Variants in ADGRL3 observed in about 807,000 individuals in gnomAD.
ADGRL3 encodes adhesion G protein-coupled receptor L3, also known as calcium-independent alpha-latrotoxin receptor 3.
ADGRL3 carries 62 observed loss-of-function variants against 153.5 expected under a neutral mutation model. The observed-to-expected ratio is 0.40, with a 90% CI of 0.33 to 0.50. The LOEUF (loss-of-function observed/expected upper bound fraction) is 0.50. Among genes scored for constraint, ADGRL3 ranks in the 20% least tolerant of loss-of-function variants. The pLI is 0.47. For synonymous variants in ADGRL3, 710 were observed against 672.5 expected (o/e 1.06, Z -0.86); for missense variants, 1,641 against 1,859.4 (o/e 0.88, Z 2.16).
chr4:61,726,705 A>C lies in ADGRL3; in HGVS notation c.584-3917A>C, dbSNP rs925935567. On this transcript the variant is annotated intron_variant, in intron 6 of 26. Coordinates refer to ENST00000683033, the MANE Select transcript of ADGRL3 (RefSeq NM_001387552.1). ...ATTTTAATAGTCTAAACCAAATGTT[A>C]CAAGGAAAATCATTCTTTTAACAAT... Among the ~76,000 whole-genome samples, 4 of 152,188 alleles carry C rather than the reference A, an allele frequency of 2.6e-5. No homozygotes were observed. The East Asian group carries it at 7.7e-4, about 29-fold the overall frequency.
In ADGRL3 at chr4:61,200,360, C is replaced by T. The variant is rs955026173; in HGVS notation, c.-1645C>T. 6.6e-6 allele frequency among the ~76,000 whole-genome samples: 1 copy of T among 152,068 alleles called. No individual in the cohort carries two copies. The highest frequency in any genetic ancestry group is 3.4e-3 in the Middle Eastern group (1 of 292). Reference sequence around the variant, plus strand: ...TCCGCTCCGGCCCCGGCTGCGCCTACCCCGCGCGCAGGCTGCACGGTCCCC... The same window carrying T: ...TCCGCTCCGGCCCCGGCTGCGCCTATCCCGCGCGCAGGCTGCACGGTCCCC... On this transcript the variant is annotated 5_prime_UTR_variant, in exon 1 of 27. Transcript: ENST00000683033.
At chr4:61,789,720 C>T (rs2097319467) in intron 8 of ADGRL3, among the ~76,000 whole-genome samples, 1 of 152,014 alleles carries the variant, frequency 6.6e-6, no homozygotes, top group Non-Finnish European at 1.5e-5. Context: ...CCATTACTAG[C>T]GAAGTGTAAT....
intron 1 of ADGRL3, among the ~76,000 whole-genome samples, chr4:61,232,882 A>G (rs1229498028): frequency 1.3e-5 from 2 of 152,116 alleles, no homozygotes; most frequent in Admixed American, 6.5e-5. Context: ...AGGCAATGCT[A>G]TACTGTGAAA....
intron 6 of ADGRL3, among the ~76,000 whole-genome samples, chr4:61,715,311 TA>T: frequency 6.6e-6 from 1 of 152,270 alleles, no homozygotes. Context: ...ATTTATCTTT[TA>T]AAAGCAGGCT....
intron 8 of ADGRL3, among the ~76,000 whole-genome samples, chr4:61,811,279 A>G (rs901763268): frequency 2.2e-4 from 34 of 152,172 alleles, no homozygotes; most frequent in African/African-American, 8.0e-4. Context: ...TGTCTATGCA[A>G]TAGACTATTA....
At chr4:61,803,110 G>T in intron 8 of ADGRL3, among the ~76,000 whole-genome samples, 1 of 151,940 alleles carries the variant, frequency 6.6e-6, no homozygotes, top group Middle Eastern at 3.2e-3. Flanking sequence ...CCCAGTGATA[G>T]TACATAGCCC....
chr4:61,656,200 C>T (rs568638807), intron 5 of ADGRL3, among the ~76,000 whole-genome samples: 1 of 152,232 alleles, frequency 6.6e-6, no homozygotes, highest in Non-Finnish European at 1.5e-5. Flanking sequence ...CTTCTTAATG[C>T]TATCTTTTGG....
At chr4:61,690,703 T>A (rs1464086604) in intron 6 of ADGRL3, among the ~76,000 whole-genome samples, 1 of 152,106 alleles carries the variant, frequency 6.6e-6, no homozygotes, top group Non-Finnish European at 1.5e-5. Flanking sequence ...GGCTTCCTTT[T>A]TTTTTTCCTC....
chr4:61,339,647 C>T (rs2095761970), intron 1 of ADGRL3, among the ~76,000 whole-genome samples: 1 of 152,156 alleles, frequency 6.6e-6, no homozygotes, highest in Non-Finnish European at 1.5e-5. Context: ...AGAATGTGAA[C>T]TATTTTTCAT....
intron 5 of ADGRL3, among the ~76,000 whole-genome samples, chr4:61,623,316 C>T (rs568235683): frequency 1.4e-4 from 21 of 151,986 alleles, no homozygotes; most frequent in Non-Finnish European, 2.8e-4. Flanking sequence ...CTTGACTTTC[C>T]AAGAGACCAT....
intron 8 of ADGRL3, among the ~76,000 whole-genome samples, chr4:61,807,180 A>G (rs928774924): frequency 1.3e-5 from 2 of 152,104 alleles, no homozygotes; most frequent in Admixed American, 6.5e-5. Context: ...TATCAATCAC[A>G]TAGTAGACCC....
intron 21 of ADGRL3, 58 bp from the exon 22 acceptor site, chr4:62,028,797 T>G: frequency 7.0e-7 from 1 of 1,437,446 alleles, no homozygotes; most frequent in African/African-American, 1.4e-5. Flanking sequence ...CATATGAAAT[T>G]CTTTGTCATA....
At chr4:61,773,213 A>G (rs1019454445) in intron 8 of ADGRL3, among the ~76,000 whole-genome samples, 1 of 152,206 alleles carries the variant, frequency 6.6e-6, no homozygotes, top group Admixed American at 6.5e-5. Flanking sequence ...AATCATCTGC[A>G]CTAGCACCAG....
intron 5 of ADGRL3, among the ~76,000 whole-genome samples, chr4:61,629,146 C>A (rs142121978): frequency 6.6e-6 from 1 of 152,086 alleles, no homozygotes; most frequent in Non-Finnish European, 1.5e-5. Flanking sequence ...GAACCTCTTT[C>A]GCTTAAAAGT....
intron 8 of ADGRL3, among the ~76,000 whole-genome samples, chr4:61,755,594 A>C (rs7682209): frequency 0.088 from 13,307 of 151,694 alleles, 1,247 homozygotes; most frequent in African/African-American, 0.24. Flanking sequence ...ATGGTAGTTT[A>C]TTTTGCTGTG....
At chr4:61,594,441 C>T (rs1560902661) in intron 5 of ADGRL3, among the ~76,000 whole-genome samples, 1 of 152,108 alleles carries the variant, frequency 6.6e-6, no homozygotes, top group Non-Finnish European at 1.5e-5. Flanking sequence ...TTGTGCCTGT[C>T]CTTCTTGGGA....
At chr4:61,863,888 T>C (rs1378348868) in intron 9 of ADGRL3, among the ~76,000 whole-genome samples, 2 of 152,244 alleles carry the variant, frequency 1.3e-5, no homozygotes, top group Admixed American at 1.3e-4. Context: ...ATTTTAAGTA[T>C]GCTCAATCAG....
chr4:62,063,477 T>A, intron 25 of ADGRL3: 1 of 626,770 alleles, frequency 1.6e-6, no homozygotes, highest in Non-Finnish European at 2.8e-6. Flanking sequence ...TTTTTTTTTT[T>A]CTCTGTCTTT....
At chr4:61,880,486 A>C (rs1443390697) in intron 9 of ADGRL3, among the ~76,000 whole-genome samples, 1 of 152,224 alleles carries the variant, frequency 6.6e-6, no homozygotes, top group Non-Finnish European at 1.5e-5. Flanking sequence ...TATAATTCAG[A>C]CATAGTAGTA....
Sources: allele counts gnomAD v4.1 joint callset (sites outside exome capture counted in the v4.1 genomes callset), GRCh38; gene constraint gnomAD v4.1.1; transcripts MANE v1.5; gene names NCBI Gene and HGNC (gene_info 2026-07-23, HGNC 2026-07-21).